Variants in LINGO2 observed in about 807,000 individuals in gnomAD.
The protein encoded by LINGO2 is leucine-rich repeat and immunoglobulin-like domain-containing nogo receptor-interacting protein 2.
A neutral mutation model predicts 30.6 loss-of-function variants in LINGO2; 14 were observed. That is an observed-to-expected ratio of 0.46 (90% confidence interval 0.30 to 0.72). LINGO2 has a LOEUF of 0.72. Among genes scored for constraint, LINGO2 ranks in the 30% least tolerant of loss-of-function variants. The pLI is 0.07. For missense variants in LINGO2, 729 were observed against 751.7 expected, an observed-to-expected ratio of 0.97 and a Z score of 0.35; for synonymous variants, 317 against 288.5, an observed-to-expected ratio of 1.10 and a Z score of -1.00.
the LINGO2 span, among the ~76,000 whole-genome samples, chr9:29,121,609 T>C: frequency 6.6e-6 from 1 of 152,070 alleles, no homozygotes; most frequent in Admixed American, 6.6e-5. Flanking sequence ...AAGGAAATAG[T>C]AATAGCAAAG....
chr9:28,631,177 T>C (rs1007150474), intron 1 of LINGO2, among the ~76,000 whole-genome samples: 13 of 152,110 alleles, frequency 8.5e-5, no homozygotes, highest in African/African-American at 2.9e-4. Flanking sequence ...TTTTTTATTA[T>C]ACTTTAAGTT....
At chr9:28,346,716 A>C (rs1238878432) in intron 3 of LINGO2, among the ~76,000 whole-genome samples, 1 of 151,954 alleles carries the variant, frequency 6.6e-6, no homozygotes, top group African/African-American at 2.4e-5. Context: ...TGATTTTTTA[A>C]TAGCCATTCT....
At chr9:28,777,483 C>T in the LINGO2 span, among the ~76,000 whole-genome samples, 14 of 152,230 alleles carry the variant, frequency 9.2e-5, no homozygotes, top group East Asian at 5.8e-4. Flanking sequence ...AGATATGAGG[C>T]GATACAAGAT....
chr9:28,080,158 T>C (rs1455142536), intron 4 of LINGO2, among the ~76,000 whole-genome samples: 2 of 152,254 alleles, frequency 1.3e-5, no homozygotes, highest in Non-Finnish European at 2.9e-5. Flanking sequence ...CCATGGGACA[T>C]GTTCCAAATA....
chr9:28,111,848 A>C (rs897642673), intron 4 of LINGO2, among the ~76,000 whole-genome samples: 1 of 152,120 alleles, frequency 6.6e-6, no homozygotes, highest in African/African-American at 2.4e-5. Flanking sequence ...AGCACTCACT[A>C]TATATGAAGG....
At chr9:29,115,765 C>A in the LINGO2 span, among the ~76,000 whole-genome samples, 1 of 151,832 alleles carries the variant, frequency 6.6e-6, no homozygotes, top group African/African-American at 2.4e-5. Context: ...AAAAGTAATA[C>A]GAACAATAAA....
intron 4 of LINGO2, among the ~76,000 whole-genome samples, chr9:28,135,730 A>G (rs1331175889): frequency 6.6e-6 from 1 of 152,082 alleles, no homozygotes; most frequent in African/African-American, 2.4e-5. Flanking sequence ...AAGCTCAAAC[A>G]GTCCCCAGAA....
chr9:28,155,076 G>C (rs991928714), intron 4 of LINGO2, among the ~76,000 whole-genome samples: 4 of 152,148 alleles, frequency 2.6e-5, no homozygotes, highest in African/African-American at 4.8e-5. Context: ...CTTTCTGAGA[G>C]CATTAAGACT....
At chr9:28,100,849 G>A (rs1256732836) in intron 4 of LINGO2, among the ~76,000 whole-genome samples, 4 of 152,052 alleles carry the variant, frequency 2.6e-5, no homozygotes, top group African/African-American at 4.8e-5. Context: ...CTTTGCGTAC[G>A]ATTGTGTTTC....
At chr9:28,020,223 C>CT (rs1350512617) in intron 4 of LINGO2, among the ~76,000 whole-genome samples, 3 of 152,146 alleles carry the variant, frequency 2.0e-5, no homozygotes, top group Non-Finnish European at 4.4e-5. Context: ...ACAGCCTTTC[C>CT]TTTTATCTGG....
chr9:28,726,880 T>C, the LINGO2 span, among the ~76,000 whole-genome samples: 2 of 152,164 alleles, frequency 1.3e-5, no homozygotes, highest in Admixed American at 1.3e-4. Flanking sequence ...TGTATACCCT[T>C]TTCTCCAACT....
chr9:28,248,675 C>T (rs373287149), intron 4 of LINGO2, among the ~76,000 whole-genome samples: 1 of 152,076 alleles, frequency 6.6e-6, no homozygotes, highest in Non-Finnish European at 1.5e-5. Context: ...CCCAATTTTC[C>T]GTGATGTGAT....
chr9:29,002,286 T>C, the LINGO2 span, among the ~76,000 whole-genome samples: 1 of 152,224 alleles, frequency 6.6e-6, no homozygotes, highest in South Asian at 2.1e-4. Flanking sequence ...ATGACACTGA[T>C]GATTATTTAA....
chr9:28,498,969 CT>C (rs996748780), intron 1 of LINGO2, among the ~76,000 whole-genome samples: 78 of 151,254 alleles, frequency 5.2e-4, no homozygotes, highest in East Asian at 1.7e-3. Context: ...TACTCAAATA[CT>C]TTTTTTTTGT....
At chr9:28,377,602 T>C (rs1821181725) in intron 2 of LINGO2, among the ~76,000 whole-genome samples, 1 of 152,160 alleles carries the variant, frequency 6.6e-6, no homozygotes, top group Admixed American at 6.6e-5. Flanking sequence ...GGATATAGTA[T>C]ACATGTACAC....
intron 3 of LINGO2, among the ~76,000 whole-genome samples, chr9:28,358,115 G>T (rs1041143194): frequency 1.3e-5 from 2 of 152,086 alleles, no homozygotes; most frequent in African/African-American, 2.4e-5. Context: ...TTTTTAGCTT[G>T]TAAAACAGGT....
the LINGO2 span, among the ~76,000 whole-genome samples, chr9:29,043,998 A>G: frequency 1.3e-5 from 2 of 152,052 alleles, no homozygotes; most frequent in Non-Finnish European, 2.9e-5. Flanking sequence ...ATGAAAGAAC[A>G]ATGATAAAGC....
intron 2 of LINGO2, among the ~76,000 whole-genome samples, chr9:28,436,175 T>C (rs556586386): frequency 6.6e-6 from 1 of 152,330 alleles, no homozygotes; most frequent in Non-Finnish European, 1.5e-5. Flanking sequence ...AAGTATTTGT[T>C]ATGTTTTGTT....
At chr9:29,066,276 C>G in the LINGO2 span, among the ~76,000 whole-genome samples, 1 of 151,874 alleles carries the variant, frequency 6.6e-6, no homozygotes, top group Non-Finnish European at 1.5e-5. Flanking sequence ...GCTGAAACAG[C>G]AGTGATACGT....
Sources: allele counts gnomAD v4.1 joint callset (sites outside exome capture counted in the v4.1 genomes callset), GRCh38; gene constraint gnomAD v4.1.1; transcripts MANE v1.5; gene names NCBI Gene and HGNC (gene_info 2026-07-23, HGNC 2026-07-21).